Variants in LEPROTL1 observed in about 807,000 individuals in gnomAD.
LEPROTL1 encodes the protein leptin receptor overlapping transcript like 1, also known as leptin receptor overlapping transcript-like 1.
Under a neutral mutation model 15.4 loss-of-function variants are expected in LEPROTL1, and 6 were observed. The ratio of observed to expected loss-of-function variants is 0.39; its 90% CI spans 0.21 to 0.77. LEPROTL1 has a LOEUF of 0.77. LEPROTL1 is among the 30% of genes least tolerant of loss of function. The pLI is 0.41. For synonymous variants in LEPROTL1, 56 were observed against 52.6 expected, an observed-to-expected ratio of 1.06 and a Z score of -0.28; for missense variants, 128 against 158.1, an observed-to-expected ratio of 0.81 and a Z score of 1.02.
At chr8:30,095,977 C>T (rs369446624) in intron 1 of LEPROTL1, 2 of 672,832 alleles carry the variant, frequency 3.0e-6, no homozygotes, top group Non-Finnish European at 5.4e-6. Context: ...GGCACAAGTG[C>T]GGTCTGCGGG....
chr8:30,109,977 C>T (rs894332422), downstream of LEPROTL1, among the ~76,000 whole-genome samples: 1 of 152,110 alleles, frequency 6.6e-6, no homozygotes, highest in Non-Finnish European at 1.5e-5. Context: ...AAGTTTACTA[C>T]ACTTTAATGT....
chr8:30,134,443 A>C (rs1803096065), intron 4 of LEPROTL1, among the ~76,000 whole-genome samples: 1 of 152,108 alleles, frequency 6.6e-6, no homozygotes, highest in Non-Finnish European at 1.5e-5. Context: ...ACAAAAAAAA[A>C]AACAAAAAAA....
chr8:30,096,535 A>G, intron 1 of LEPROTL1: 1 of 258,206 alleles, frequency 3.9e-6, no homozygotes, highest in African/African-American at 2.3e-5. Context: ...CAATGTCTGA[A>G]AACATTTCAT....
intron 3 of LEPROTL1, among the ~76,000 whole-genome samples, chr8:30,130,278 T>C (rs1398180018): frequency 1.3e-5 from 2 of 152,208 alleles, no homozygotes; most frequent in Admixed American, 1.3e-4. Context: ...AACAAGCATG[T>C]ATTTCTTTTA....
chr8:30,120,562 T>C (rs539527023), intron 3 of LEPROTL1, among the ~76,000 whole-genome samples: 1 of 152,138 alleles, frequency 6.6e-6, no homozygotes, highest in South Asian at 2.1e-4. Flanking sequence ...ATGGGTTCTT[T>C]CTCTGTCACC....
At chr8:30,130,882 C>A (rs560923731) in intron 3 of LEPROTL1, among the ~76,000 whole-genome samples, 1 of 150,064 alleles carries the variant, frequency 6.7e-6, no homozygotes, top group South Asian at 2.1e-4. Context: ...TGGATTCAAG[C>A]GATTCTCCTG....
intron 3 of LEPROTL1, among the ~76,000 whole-genome samples, chr8:30,124,209 C>T (rs775285963): frequency 6.6e-5 from 10 of 152,128 alleles, no homozygotes; most frequent in Non-Finnish European, 1.0e-4. Flanking sequence ...GGATGGGTCA[C>T]TGGGGCCACA....
At chr8:30,101,294 T>C (rs1160937590) in intron 1 of LEPROTL1, among the ~76,000 whole-genome samples, 1 of 152,198 alleles carries the variant, frequency 6.6e-6, no homozygotes, top group Non-Finnish European at 1.5e-5. Flanking sequence ...GCATTGAGCC[T>C]GTGGACTTTG....
chr8:30,110,691 G>A (rs960227729), downstream of LEPROTL1, among the ~76,000 whole-genome samples: 2 of 151,950 alleles, frequency 1.3e-5, no homozygotes, highest in Admixed American at 6.6e-5. Flanking sequence ...CCAAGATCAC[G>A]CCACTGCACT....
chr8:30,135,796 C>T (rs1218337945), intron 4 of LEPROTL1, among the ~76,000 whole-genome samples: 1 of 151,642 alleles, frequency 6.6e-6, no homozygotes, highest in Non-Finnish European at 1.5e-5. Flanking sequence ...TGCCTGTGGT[C>T]CCAGCTACTG....
At chr8:30,103,109 G>A (rs1802500255) in intron 2 of LEPROTL1, among the ~76,000 whole-genome samples, 1 of 151,850 alleles carries the variant, frequency 6.6e-6, no homozygotes, top group East Asian at 1.9e-4. Flanking sequence ...ATTTATAAGA[G>A]CCAAAAAAAA....
intron 3 of LEPROTL1, among the ~76,000 whole-genome samples, chr8:30,125,990 C>G (rs1292065590): frequency 2.0e-5 from 3 of 152,200 alleles, no homozygotes; most frequent in Admixed American, 6.5e-5. Context: ...TATGGAGAAT[C>G]AAGTTTCCTG....
chr8:30,138,090 C>T (rs1427830945), downstream of LEPROTL1: 6 of 170,382 alleles, frequency 3.5e-5, no homozygotes, highest in South Asian at 1.3e-4. Context: ...CCCAACCAAG[C>T]GGCACTGTCA....
At chr8:30,121,292 G>A (rs534907636) in intron 3 of LEPROTL1, among the ~76,000 whole-genome samples, 16 of 151,612 alleles carry the variant, frequency 1.1e-4, no homozygotes, top group African/African-American at 2.7e-4. Context: ...TCACTCTGTC[G>A]CCCAGGCTGG....
chr8:30,113,133 G>A (rs1051055982), downstream of LEPROTL1, among the ~76,000 whole-genome samples: 1 of 150,264 alleles, frequency 6.7e-6, no homozygotes, highest in Admixed American at 6.7e-5. Flanking sequence ...AAAATTAGCC[G>A]GGTGTGGTGG....
In LEPROTL1 at chr8:30,120,749, C is replaced by T. The variant is rs186400197; in HGVS notation, c.280-11626C>T. On this transcript the variant is annotated intron_variant, in intron 3 of 4. Coordinates refer to the LEPROTL1 transcript ENST00000442880. ...GTTTTGCCATGTTACCCAGGCTGGT[C>T]TTGAACTCCTGGGCTCAAGTGATCC... is the stretch of plus-strand genomic sequence containing the variant. 1.2e-3 allele frequency among the ~76,000 whole-genome samples: 182 copies of T among 152,266 alleles called. 8 individuals carry two copies. In the East Asian group the frequency reaches 0.027, roughly 23 times the overall value.
At chr8:30,125,333 G>T (rs1363304007) in intron 3 of LEPROTL1, among the ~76,000 whole-genome samples, 1 of 152,200 alleles carries the variant, frequency 6.6e-6, no homozygotes, top group East Asian at 1.9e-4. Context: ...AAGAGTCAGA[G>T]AAGTTAACAG....
chr8:30,125,532 A>G (rs1802891563), intron 3 of LEPROTL1, among the ~76,000 whole-genome samples: 2 of 152,246 alleles, frequency 1.3e-5, no homozygotes, highest in Non-Finnish European at 2.9e-5. Context: ...TTCTTGTTGG[A>G]TGAATAGAGG....
chr8:30,121,444 G>A (rs1027854596), intron 3 of LEPROTL1, among the ~76,000 whole-genome samples: 1 of 151,760 alleles, frequency 6.6e-6, no homozygotes, highest in African/African-American at 2.4e-5. Flanking sequence ...AGTCGAGATG[G>A]GTTTTCGCCA....
Sources: allele counts gnomAD v4.1 joint callset (sites outside exome capture counted in the v4.1 genomes callset), GRCh38; gene constraint gnomAD v4.1.1; transcripts MANE v1.5; gene names NCBI Gene and HGNC (gene_info 2026-07-23, HGNC 2026-07-21).